The following SCN9A variants were observed in gnomAD, a reference collection of about 807,000 sequenced individuals.
SCN9A encodes the protein sodium channel protein type 9 subunit alpha.
Under a neutral mutation model 187.0 loss-of-function variants are expected in SCN9A, and 131 were observed. The ratio of observed to expected loss-of-function variants is 0.70; its 90% confidence interval spans 0.61 to 0.81. SCN9A has a LOEUF of 0.81. Ranked by LOEUF, SCN9A falls within the 30% of genes least tolerant of loss-of-function variation. The pLI is 0.00. For synonymous variants in SCN9A, 809 were observed against 808.6 expected (o/e 1.00, Z -0.01); for missense variants, 2,252 against 2,396.6 (o/e 0.94, Z 1.26).
rs10688081 is a variant in SCN9A, at chr2:166,311,330, CTATATATATATATATATA to C, written c.258+151_258+168del. Among the ~76,000 whole-genome samples the C allele has an allele frequency of 5.7e-3, 267 of 46,736 alleles. 15 individuals are homozygous for C. The Middle Eastern group carries it at 0.2, about 34-fold the overall frequency. The allele number at this position is 46,736 out of a possible 152,430, so 30.7% of individuals were successfully genotyped here. A position where few individuals can be genotyped will look rare whatever the true frequency, so the allele number is the denominator to read the frequency against. ...TGAAAAAGTACAGATTCTGAATATC[CTATATATATATATATATA>C]TATATATATATATATATATATATAT... On this transcript the variant is annotated intron_variant, in intron 2 of 26. Coordinates refer to ENST00000642356, the MANE Select transcript of SCN9A (RefSeq NM_001365536.1).
chr2:166,297,078 T>C (rs1297253821), intron 7 of SCN9A, among the ~76,000 whole-genome samples: 4 of 151,144 alleles, frequency 2.6e-5, no homozygotes, highest in African/African-American at 9.7e-5. Context: ...GCACCTGTAG[T>C]CCCAGCTACT....
chr2:166,199,179 T>G lies in SCN9A; in HGVS notation c.5460A>C (p.Lys1820Asn), dbSNP rs1012108087. Residue 1820 changes from lysine to asparagine, a missense_variant, in exon 27 of 27, where the codon AAA (lysine) becomes AAC (asparagine). Physicochemically the swap from Lys to Asn is moderately conservative, Grantham distance 94 (BLOSUM62 0). This residue lies in a region of SCN9A where 345 missense variants were observed against 344.6 expected (regional missense o/e 1.00). Transcript: ENST00000642356. ...GCAGATCCATGGCAATGAGCTGGACTTTGTTGGGTTTTGCTATGAGAAGAG... is the reference window on the plus strand; with the variant it reads ...GCAGATCCATGGCAATGAGCTGGACGTTGTTGGGTTTTGCTATGAGAAGAG... Reference protein sequence around the residue: ...DPPLLIAKPNKVQLIAMDLPM... With the variant: ...DPPLLIAKPNNVQLIAMDLPM... 6.2e-7 allele frequency: 1 copy of G among 1,614,066 alleles called. No homozygotes were observed. Among genetic ancestry groups the G allele is most frequent in the African/African-American group, 1.3e-5 (1 of 74,934 alleles).
Position 166,306,992 on chromosome 2 carries a change from GGACT to G in SCN9A, c.337_340del (p.Ser113LeufsTer2). ...AATCTTAATAGATATTCTTCTTAGA[GGACT>G]GAAAGGAGAAAGCATATATAAAGCA... On this transcript the variant is annotated frameshift_variant, in exon 3 of 27. Coordinates refer to ENST00000642356, the MANE Select transcript of SCN9A (RefSeq NM_001365536.1). LOFTEE classifies it high-confidence loss of function. The G allele has an allele frequency of 6.2e-7, 1 of 1,608,190 alleles. No individual in the cohort carries two copies. Among genetic ancestry groups the G allele is most frequent in the Non-Finnish European group, 8.5e-7 (1 of 1,174,948 alleles).
At chr2:166,330,760 C>T (rs996015730) in intron 1 of SCN9A, among the ~76,000 whole-genome samples, 5 of 152,126 alleles carry the variant, frequency 3.3e-5, no homozygotes, top group African/African-American at 9.7e-5. Context: ...CACAATAAAG[C>T]TTGCACTTCT....
intron 17 of SCN9A, among the ~76,000 whole-genome samples, chr2:166,270,574 T>G (rs529153965): frequency 1.3e-5 from 2 of 152,036 alleles, no homozygotes; most frequent in South Asian, 4.1e-4. Context: ...ATAGAGCATT[T>G]TATTTTATTT....
chr2:166,276,886 G>T (rs1697257458), intron 16 of SCN9A, 97 bp downstream of exon 16: 1 of 897,366 alleles, frequency 1.1e-6, no homozygotes, highest in South Asian at 3.9e-5. Context: ...AATAATTGTA[G>T]ATATAATTAA....
chr2:166,316,037 GA>G (rs1460038712), intron 1 of SCN9A, among the ~76,000 whole-genome samples: 2 of 152,024 alleles, frequency 1.3e-5, no homozygotes, highest in Non-Finnish European at 2.9e-5. Context: ...AGGCAAAATC[GA>G]AAAAGATAAA....
chr2:166,199,456 C>G lies in SCN9A; in HGVS notation c.5183G>C (p.Gly1728Ala). ...TCCAACAGATGGGTTACCACAGTCTCCTTCAACTGAACTTCCAGGATGAAC... is the reference window on the plus strand; with the variant it reads ...TCCAACAGATGGGTTACCACAGTCTGCTTCAACTGAACTTCCAGGATGAAC... The part of the protein sequence containing the change: ...KKVHPGSSVE[G>A]DCGNPSVGIF... Residue 1728 changes from glycine to alanine, a missense_variant, in exon 27 of 27, where the codon GGA becomes GCA. Coordinates refer to ENST00000642356, the MANE Select transcript of SCN9A (RefSeq NM_001365536.1). The G allele has an allele frequency of 1.2e-6, 2 of 1,614,208 alleles. No individual in the cohort carries two copies. Among genetic ancestry groups the G allele is most frequent in the Non-Finnish European group, 1.7e-6 (2 of 1,180,042 alleles).
In SCN9A at chr2:166,280,357, C is replaced by T. The variant is rs1284534189; in HGVS notation, c.2343G>A (p.Leu781=). The change falls in exon 14 of 27, where the codon TTG becomes TTA. Residue 781 remains leucine, a splice_region_variant and synonymous_variant. Transcript: ENST00000642356. ...ACATAACACACAATAAGAGACTTAC[C>T]AAATTTCCTATAGCAAGTACATTTT... The part of the protein sequence containing the change: ...EFKNVLAIGN[L]VFTGIFAAEM... 2.6e-6 allele frequency: 4 copies of T among 1,520,350 alleles called. No homozygotes were observed. The highest frequency in any genetic ancestry group is 1.4e-5 in the African/African-American group (1 of 72,886). 94.2% of individuals were successfully genotyped at this position (1,520,350 alleles called of 1,614,324 possible).
At chr2:166,234,107 A>C (rs1053814057) in intron 20 of SCN9A, among the ~76,000 whole-genome samples, 1 of 152,204 alleles carries the variant, frequency 6.6e-6, no homozygotes, top group African/African-American at 2.4e-5. Context: ...TAAGAGCTTC[A>C]TCATGTTAGA....
intron 1 of SCN9A, among the ~76,000 whole-genome samples, chr2:166,336,126 T>A (rs999142392): frequency 2.0e-5 from 3 of 152,104 alleles, no homozygotes; most frequent in African/African-American, 7.2e-5. Context: ...GGGACAATTG[T>A]AATTGTAATT....
At chr2:166,329,859 C>T (rs1559044956) in intron 1 of SCN9A, among the ~76,000 whole-genome samples, 2 of 152,076 alleles carry the variant, frequency 1.3e-5, no homozygotes, top group Admixed American at 6.6e-5. Context: ...ACAATTCCTC[C>T]CTCTTGTGTT....
intron 2 of SCN9A, among the ~76,000 whole-genome samples, chr2:166,308,715 G>C (rs966474535): frequency 1.5e-4 from 23 of 152,116 alleles, no homozygotes; most frequent in African/African-American, 5.1e-4. Flanking sequence ...AACGTCAGGA[G>C]ATCGAGACCA....
At chr2:166,233,280 T>C (rs1001875221) in intron 21 of SCN9A, 60 bp downstream of exon 21, 4 of 1,258,998 alleles carry the variant, frequency 3.2e-6, no homozygotes, top group Non-Finnish European at 3.2e-6. Flanking sequence ...ATACCCATTG[T>C]TTTTATATTT....
At chr2:166,335,100 T>C (rs1465523845) in intron 1 of SCN9A, among the ~76,000 whole-genome samples, 1 of 152,168 alleles carries the variant, frequency 6.6e-6, no homozygotes, top group Non-Finnish European at 1.5e-5. Flanking sequence ...CCATTGTTCA[T>C]AAAATTTATC....
At chr2:166,220,857 TG>T (rs572234109) in intron 24 of SCN9A, among the ~76,000 whole-genome samples, 4,482 of 152,036 alleles carry the variant, frequency 0.029, 469 homozygotes, top group Admixed American at 0.2. Flanking sequence ...CATCCCAATC[TG>T]AAAGAAAAAA....
intron 24 of SCN9A, among the ~76,000 whole-genome samples, chr2:166,224,845 T>G (rs1379870876): frequency 1.3e-5 from 2 of 152,156 alleles, no homozygotes; most frequent in Non-Finnish European, 2.9e-5. Context: ...GAAACTACTT[T>G]TTAGCTGTCA....
chr2:166,283,506 G>A (rs1697586860), intron 12 of SCN9A, among the ~76,000 whole-genome samples: 1 of 152,112 alleles, frequency 6.6e-6, no homozygotes, highest in Non-Finnish European at 1.5e-5. Context: ...TAGTGAGTGG[G>A]CTAAAGAGAT....
At chr2:166,202,796 C>T (rs1298921213) in intron 26 of SCN9A, among the ~76,000 whole-genome samples, 1 of 151,514 alleles carries the variant, frequency 6.6e-6, no homozygotes, top group East Asian at 1.9e-4. Flanking sequence ...AGTGTTGGCA[C>T]ATGTAATTTA....
Sources: gnomAD v4.1 joint callset for allele counts (sites outside exome capture counted in the v4.1 genomes callset) on GRCh38, gnomAD v4.1.1 for gene constraint, gnomAD v4.1.1 regional missense constraint, MANE v1.5 for transcripts, NCBI Gene and HGNC (gene_info 2026-07-23, HGNC 2026-07-21) for gene names.